Variants in NSMAF observed in about 807,000 individuals in gnomAD.
NSMAF encodes the protein protein FAN.
In NSMAF, 90 loss-of-function variants were observed where a neutral mutation model predicts 134.9. The ratio of observed to expected loss-of-function variants is 0.67; its 90% CI spans 0.56 to 0.79. The LOEUF (loss-of-function observed/expected upper bound fraction) is 0.79, where lower values mean the gene tolerates loss of function less well. NSMAF is among the 30% of genes least tolerant of loss of function. NSMAF has a pLI of 0.00. For synonymous variants in NSMAF, 358 were observed against 389.6 expected (o/e 0.92, Z 0.96); for missense variants, 1,010 against 1,119.0 (o/e 0.90, Z 1.39).
chr8:58,620,541 T>C (rs959038488), intron 9 of NSMAF, among the ~76,000 whole-genome samples: 1 of 152,206 alleles, frequency 6.6e-6, no homozygotes, highest in Non-Finnish European at 1.5e-5. Context: ...TTAATGGCCT[T>C]TTATTGTATC....
chr8:58,589,025 T>C (rs1805960071), intron 26 of NSMAF, among the ~76,000 whole-genome samples: 1 of 151,244 alleles, frequency 6.6e-6, no homozygotes, highest in Non-Finnish European at 1.5e-5. Context: ...AGACACTGTC[T>C]CTAAAAAAAA....
chr8:58,624,761 T>A (rs918051698), intron 6 of NSMAF, among the ~76,000 whole-genome samples: 2 of 152,200 alleles, frequency 1.3e-5, no homozygotes, highest in African/African-American at 4.8e-5. Flanking sequence ...TTAGGTCCAT[T>A]GGGTCTACAG....
chr8:58,587,573 G>A (rs749337479), intron 27 of NSMAF, 45 bp downstream of exon 27: 1 of 1,552,364 alleles, frequency 6.4e-7, no homozygotes, highest in East Asian at 2.2e-5. Context: ...CGAACCCCTA[G>A]ACTTTTAAGG....
chr8:58,608,527 C>T (rs1006346399), intron 10 of NSMAF, among the ~76,000 whole-genome samples: 1 of 152,046 alleles, frequency 6.6e-6, no homozygotes, highest in Admixed American at 6.6e-5. Context: ...CCCCGGAGTC[C>T]CAGAGTCAGG....
chr8:58,649,850 A>G (rs1807543794), intron 1 of NSMAF, among the ~76,000 whole-genome samples: 1 of 152,194 alleles, frequency 6.6e-6, no homozygotes. Context: ...CAGCCTGCAG[A>G]ACTGTGAGCC....
At chr8:58,592,513 A>C (rs1040419943) in intron 23 of NSMAF, among the ~76,000 whole-genome samples, 5 of 152,204 alleles carry the variant, frequency 3.3e-5, no homozygotes, top group Non-Finnish European at 5.9e-5. Flanking sequence ...ATCAGGATAC[A>C]TATAAATCAG....
chr8:58,602,360 A>G (rs2129141291), intron 13 of NSMAF, among the ~76,000 whole-genome samples: 1 of 152,344 alleles, frequency 6.6e-6, no homozygotes, highest in East Asian at 1.9e-4. Context: ...CTCTAATTTG[A>G]CAATGCCCTG....
chr8:58,635,404 TC>T lies in NSMAF; in HGVS notation c.229-33del, dbSNP rs1238529814. Reference sequence around the variant, plus strand: ...AAAATTGAGAGAAATATTATAAAAATCAAGAAAGGTAAGACATACACAAAAA... The same window carrying T: ...AAAATTGAGAGAAATATTATAAAAATAAGAAAGGTAAGACATACACAAAAA... On this transcript the variant is annotated intron_variant, in intron 3 of 30. Transcript: ENST00000038176. The T allele has an allele frequency of 5.7e-6, 9 of 1,577,782 alleles. No homozygotes were observed. The East Asian group carries it at 2.0e-4, about 35-fold the overall frequency.
chr8:58,600,406 C>T (rs923401283), intron 16 of NSMAF, among the ~76,000 whole-genome samples: 3 of 151,874 alleles, frequency 2.0e-5, no homozygotes, highest in Non-Finnish European at 2.9e-5. Flanking sequence ...GGGTGGATCA[C>T]GAAGTCAGGA....
In NSMAF at chr8:58,609,589, C is replaced by T. The variant is rs762829439; in HGVS notation, c.687+15G>A. On this transcript the variant is annotated intron_variant, in intron 10 of 30. Transcript: ENST00000038176. ...AACATGGGCAGCTCCCCACCTGACC[C>T]TGTGGTCTACACACCGGGTAGCCGT... 3 of 1,613,942 alleles carry T rather than the reference C, an allele frequency of 1.9e-6. No individual in the cohort carries two copies. The highest frequency in any genetic ancestry group is 2.2e-5 in the South Asian group (2 of 91,062).
chr8:58,643,097 C>CTGAAAGTTGTTT, intron 1 of NSMAF, 24 bp from the exon 2 acceptor site: 1 of 1,558,962 alleles, frequency 6.4e-7, no homozygotes, highest in Non-Finnish European at 8.9e-7. Context: ...GAAAAAACAA[C>CTGAAAGTTGTTT]TTTCAGTTTA....
intron 11 of NSMAF, among the ~76,000 whole-genome samples, chr8:58,606,960 A>G (rs2634532): frequency 0.92 from 140,137 of 152,308 alleles, 64,551 homozygotes; most frequent in East Asian, 0.97. Flanking sequence ...TATACCCAAA[A>G]GAGGAGATTT....
At chr8:58,591,893 C>T (rs79745047) in intron 23 of NSMAF, among the ~76,000 whole-genome samples, 6,434 of 152,162 alleles carry the variant, frequency 0.042, 343 homozygotes, top group East Asian at 0.18. Flanking sequence ...ACTTACACAA[C>T]GTGATGTCGG....
intron 2 of NSMAF, among the ~76,000 whole-genome samples, chr8:58,637,620 T>C (rs1218621402): frequency 1.3e-5 from 2 of 152,130 alleles, no homozygotes; most frequent in Admixed American, 1.3e-4. Flanking sequence ...AAAAAAACTA[T>C]TCAAACCAAT....
At chr8:58,598,869 C>G (rs966660122) in intron 19 of NSMAF, among the ~76,000 whole-genome samples, 1 of 151,658 alleles carries the variant, frequency 6.6e-6, no homozygotes, top group Non-Finnish European at 1.5e-5. Flanking sequence ...AAAAAAAATA[C>G]AAAAAAATTA....
intron 6 of NSMAF, among the ~76,000 whole-genome samples, chr8:58,628,126 A>G (rs576100725): frequency 1.8e-4 from 27 of 152,284 alleles, no homozygotes; most frequent in African/African-American, 6.0e-4. Context: ...ACAAAAACAT[A>G]CAGTGGGGAA....
At chr8:58,633,054 G>T (rs528791981) in intron 5 of NSMAF, among the ~76,000 whole-genome samples, 1 of 152,216 alleles carries the variant, frequency 6.6e-6, no homozygotes, top group East Asian at 1.9e-4. Flanking sequence ...TCTTGCCCTG[G>T]TTTGTACAGC....
In NSMAF at chr8:58,627,367, C is replaced by T. The variant is rs145789659; in HGVS notation, c.385-3587G>A. ...ATAGTAATGGAAGTCCTAGCCACAG[C>T]AATCAGACAGAAAAGAAAGGGCATC... is the stretch of plus-strand genomic sequence containing the variant. On this transcript the variant is annotated intron_variant, in intron 6 of 30. Transcript: ENST00000038176. Among the ~76,000 whole-genome samples the T allele has an allele frequency of 5.4e-3, 816 of 152,226 alleles. 5 individuals are homozygous for T. The highest frequency in any genetic ancestry group is 0.02 in the Middle Eastern group (6 of 294).
intron 12 of NSMAF, among the ~76,000 whole-genome samples, chr8:58,605,629 C>G (rs10086457): frequency 0.12 from 18,754 of 152,054 alleles, 2,760 homozygotes; most frequent in African/African-American, 0.35. Flanking sequence ...GGCGATTCTA[C>G]AAATAGCATT....
Sources: gnomAD v4.1 joint callset for allele counts (sites outside exome capture counted in the v4.1 genomes callset) on GRCh38, gnomAD v4.1.1 for gene constraint, MANE v1.5 for transcripts, NCBI Gene and HGNC (gene_info 2026-07-23, HGNC 2026-07-21) for gene names.